CLSTN2: variants seen among roughly 807,000 people sequenced by gnomAD.
The protein encoded by CLSTN2 is calsyntenin-2.
In CLSTN2, 48 loss-of-function variants were observed where a neutral mutation model predicts 101.2. That is an observed-to-expected ratio of 0.47 (90% CI 0.38 to 0.60). CLSTN2 has a LOEUF of 0.60. Among genes scored for constraint, CLSTN2 ranks in the 20% least tolerant of loss-of-function variants. CLSTN2 has a pLI of 0.00. For synonymous variants in CLSTN2, 481 were observed against 463.6 expected (o/e 1.04, Z -0.48); for missense variants, 1,160 against 1,238.2 (o/e 0.94, Z 0.95).
At chr3:140,192,494 C>G (rs1430563344) in intron 2 of CLSTN2, among the ~76,000 whole-genome samples, 2 of 151,854 alleles carry the variant, frequency 1.3e-5, no homozygotes, top group African/African-American at 2.4e-5. Flanking sequence ...AGTACATACA[C>G]ATTGAGAATT....
chr3:140,482,043 G>T (rs951242810), intron 8 of CLSTN2, among the ~76,000 whole-genome samples: 3 of 152,158 alleles, frequency 2.0e-5, no homozygotes, highest in African/African-American at 7.2e-5. Flanking sequence ...CAAAGGGAAT[G>T]CTTCCAGTTT....
At chr3:140,220,282 G>T (rs1458599665) in intron 2 of CLSTN2, among the ~76,000 whole-genome samples, 1 of 152,204 alleles carries the variant, frequency 6.6e-6, no homozygotes, top group Non-Finnish European at 1.5e-5. Context: ...ATGGCATAAT[G>T]ATCTCAATCC....
At chr3:140,554,595 G>A (rs1005906076) in intron 10 of CLSTN2, among the ~76,000 whole-genome samples, 5 of 152,170 alleles carry the variant, frequency 3.3e-5, no homozygotes, top group Admixed American at 2.6e-4. Flanking sequence ...TAGCAATGGA[G>A]AAGTTGGCAA....
At chr3:140,336,240 T>G (rs1443933873) in intron 2 of CLSTN2, among the ~76,000 whole-genome samples, 1 of 152,218 alleles carries the variant, frequency 6.6e-6, no homozygotes, top group African/African-American at 2.4e-5. Context: ...AACATTTTAT[T>G]TCATGTAATC....
chr3:140,070,483 CAG>C (rs1236564143), intron 1 of CLSTN2, among the ~76,000 whole-genome samples: 1 of 152,100 alleles, frequency 6.6e-6, no homozygotes, highest in African/African-American at 2.4e-5. Flanking sequence ...AATAGAAAAA[CAG>C]ACAAAATACA....
chr3:140,221,856 T>TA (rs1158563176), intron 2 of CLSTN2, among the ~76,000 whole-genome samples: 2 of 152,158 alleles, frequency 1.3e-5, no homozygotes, highest in African/African-American at 4.8e-5. Flanking sequence ...GGAATCCTTA[T>TA]ACACTATTGG....
chr3:140,092,290 GAA>G (rs904673109), intron 1 of CLSTN2, among the ~76,000 whole-genome samples: 1 of 152,120 alleles, frequency 6.6e-6, no homozygotes, highest in African/African-American at 2.4e-5. Context: ...ATTCTGCCAG[GAA>G]AAAAGTGAGC....
At chr3:139,958,018 C>T (rs796864292) in intron 1 of CLSTN2, among the ~76,000 whole-genome samples, 15 of 152,268 alleles carry the variant, frequency 9.9e-5, no homozygotes, top group Admixed American at 2.6e-4. Context: ...GTGAGGCCCC[C>T]GGTTTGATAT....
chr3:140,019,396 A>G (rs936376771), intron 1 of CLSTN2, among the ~76,000 whole-genome samples: 1 of 152,190 alleles, frequency 6.6e-6, no homozygotes, highest in Non-Finnish European at 1.5e-5. Context: ...CCTGCCAGCC[A>G]GTGGCCTGTG....
intron 9 of CLSTN2, among the ~76,000 whole-genome samples, chr3:140,543,106 C>T (rs907174370): frequency 6.6e-5 from 10 of 152,154 alleles, no homozygotes; most frequent in African/African-American, 2.4e-4. Flanking sequence ...GAGGATATCA[C>T]ATGGTGTTGG....
At position 140,323,487 on chromosome 3, in the gene CLSTN2, A is replaced by G. The variant is rs1488979877; in HGVS notation, c.233-80142A>G. 3.3e-4 allele frequency among the ~76,000 whole-genome samples: 50 copies of G among 152,204 alleles called. 1 individual carries two copies. The highest frequency in any genetic ancestry group is 3.3e-3 in the Admixed American group (50 of 15,280). ...CTACCCACTTCCTCTTCAGCCTCATAGATAAAATGATTGGCATTCTTCACT... is the reference window on the plus strand; with the variant it reads ...CTACCCACTTCCTCTTCAGCCTCATGGATAAAATGATTGGCATTCTTCACT... On this transcript the variant is annotated intron_variant, in intron 2 of 16. Transcript: ENST00000458420.
chr3:140,203,294 G>A (rs2010741347), intron 2 of CLSTN2, among the ~76,000 whole-genome samples: 1 of 152,010 alleles, frequency 6.6e-6, no homozygotes, highest in Non-Finnish European at 1.5e-5. Context: ...TAGTTTAGGG[G>A]AAAGGTGAAC....
chr3:140,547,439 A>G (rs1405586118), intron 10 of CLSTN2, among the ~76,000 whole-genome samples: 2 of 152,052 alleles, frequency 1.3e-5, no homozygotes, highest in African/African-American at 4.8e-5. Flanking sequence ...GCACCAATGC[A>G]CTCCAGCCTG....
At chr3:139,942,063 CT>C (rs1935141323) in intron 1 of CLSTN2, among the ~76,000 whole-genome samples, 1 of 152,160 alleles carries the variant, frequency 6.6e-6, no homozygotes, top group South Asian at 2.1e-4. Flanking sequence ...GGGTTCCCCT[CT>C]TCACACAGGC....
chr3:140,321,279 C>T (rs576757727), intron 2 of CLSTN2, among the ~76,000 whole-genome samples: 41 of 152,246 alleles, frequency 2.7e-4, no homozygotes, highest in African/African-American at 9.6e-4. Context: ...TAAATCTAAC[C>T]CCATGCTCAA....
At chr3:140,163,419 T>C (rs73868786) in intron 1 of CLSTN2, among the ~76,000 whole-genome samples, 5,526 of 145,112 alleles carry the variant, frequency 0.038, 225 homozygotes, top group African/African-American at 0.1. Context: ...TTTCTATCTC[T>C]ACACACACAC....
At chr3:140,031,196 GGTTAT>G (rs1211698089) in intron 1 of CLSTN2, among the ~76,000 whole-genome samples, 4 of 152,166 alleles carry the variant, frequency 2.6e-5, no homozygotes, top group African/African-American at 9.7e-5. Context: ...GCTTCTCTTT[GGTTAT>G]GTTATAAATC....
At chr3:140,286,449 G>T (rs2086896585) in intron 2 of CLSTN2, among the ~76,000 whole-genome samples, 2 of 152,188 alleles carry the variant, frequency 1.3e-5, no homozygotes, top group Admixed American at 1.3e-4. Flanking sequence ...CCACTCCAGT[G>T]ATGTCCCTGA....
chr3:140,302,620 G>A (rs540162549), intron 2 of CLSTN2, among the ~76,000 whole-genome samples: 1 of 152,292 alleles, frequency 6.6e-6, no homozygotes, highest in South Asian at 2.1e-4. Context: ...TGGCTAAAAT[G>A]TTTTCTGTGT....
Sources: gnomAD v4.1 joint callset for allele counts (sites outside exome capture counted in the v4.1 genomes callset) on GRCh38, gnomAD v4.1.1 for gene constraint, MANE v1.5 for transcripts, NCBI Gene and HGNC (gene_info 2026-07-23, HGNC 2026-07-21) for gene names.